Variants in MTAP observed in about 807,000 individuals in gnomAD.
MTAP encodes the protein methylthioadenosine phosphorylase.
A neutral mutation model predicts 33.6 loss-of-function variants in MTAP; 33 were observed. That is an observed-to-expected ratio of 0.98 (90% CI 0.74 to 1.31). The LOEUF (loss-of-function observed/expected upper bound fraction) is 1.31. Ranked by LOEUF, MTAP falls within the 40% of genes most tolerant of loss-of-function variation. The probability of loss-of-function intolerance (pLI) is 0.00; values close to 1 mark genes in which losing one functional copy is unlikely to be tolerated. For missense variants in MTAP, 367 were observed against 360.0 expected (o/e 1.02, Z -0.16); for synonymous variants, 148 against 125.7 (o/e 1.18, Z -1.19).
rs1825775790 is a variant in MTAP at position 21,862,595 on chromosome 9, C to G, written c.*581C>G. ...TATAATAATAAATAATTGAAACAAT[C>G]TGAATCCCTTGCAATTGGAGGTAAA... On this transcript the variant is annotated 3_prime_UTR_variant, in exon 8 of 8. Transcript: ENST00000644715. The G allele has an allele frequency of 6.6e-6, 1 of 152,086 alleles. No individual in the cohort carries two copies. The highest frequency in any genetic ancestry group is 6.6e-5 in the Admixed American group (1 of 15,258). The allele number at this position is 152,086 out of a possible 1,614,324, so 9.4% of individuals were successfully genotyped here. A position where few individuals can be genotyped will look rare whatever the true frequency, so the allele number is the denominator to read the frequency against.
At chr9:21,855,705 C>T (rs1014356618) in intron 6 of MTAP, among the ~76,000 whole-genome samples, 8 of 152,024 alleles carry the variant, frequency 5.3e-5, no homozygotes, top group Non-Finnish European at 1.0e-4. Context: ...GCTTCCAAAA[C>T]AAAACAAAAC....
At chr9:21,886,871 T>C (rs2118729498) in intron 1 of MTAP, among the ~76,000 whole-genome samples, 1 of 152,358 alleles carries the variant, frequency 6.6e-6, no homozygotes, top group South Asian at 2.1e-4. Context: ...TTGGATAATA[T>C]GATACCTTCA....
chr9:21,885,404 G>A (rs541224760), intron 1 of MTAP, among the ~76,000 whole-genome samples: 3 of 152,254 alleles, frequency 2.0e-5, no homozygotes, highest in South Asian at 2.1e-4. Context: ...GATTCAGTAG[G>A]TCTGGGGTGG....
At chr9:21,816,349 G>A (rs1047265680) in intron 2 of MTAP, among the ~76,000 whole-genome samples, 1 of 152,152 alleles carries the variant, frequency 6.6e-6, no homozygotes, top group African/African-American at 2.4e-5. Context: ...TGTCATGATG[G>A]TGGCTTGTTA....
chr9:21,818,092 G>A lies in MTAP; in HGVS notation c.237G>A (p.Trp79Ter). 3.1e-6 allele frequency: 5 copies of A among 1,613,782 alleles called. No individual in the cohort carries two copies. The highest frequency in any genetic ancestry group is 4.2e-6 in the Non-Finnish European group (5 of 1,179,934). ...PSKVNYQANI[W>*]ALKEEGCTHV... is the part of the protein sequence containing the mutation. ...AGGTCAACTACCAGGCGAACATCTGGGCTTTGAAGGAAGAGGGCTGTACAC... is the reference window on the plus strand; with the variant it reads ...AGGTCAACTACCAGGCGAACATCTGAGCTTTGAAGGAAGAGGGCTGTACAC... The change falls in exon 4 of 8, where the codon TGG becomes TGA. Residue 79 changes from tryptophan (W) to a stop codon, truncating the protein, a stop_gained. Coordinates refer to ENST00000644715, the MANE Select transcript of MTAP (RefSeq NM_002451.4). LOFTEE classifies it high-confidence loss of function.
At chr9:21,811,860 C>A in intron 1 of MTAP, 1 of 434,642 alleles carries the variant, frequency 2.3e-6, no homozygotes, top group South Asian at 1.8e-5. Flanking sequence ...GTGAAGGTGG[C>A]CGGACATCTT....
At chr9:21,907,458 G>A (rs1235937879) in intron 1 of MTAP, among the ~76,000 whole-genome samples, 1 of 152,214 alleles carries the variant, frequency 6.6e-6, no homozygotes, top group African/African-American at 2.4e-5. Context: ...TCAGGAGGCT[G>A]AAGCGAGAGG....
rs931420566 is a variant in MTAP at position 21,922,501 on chromosome 9, A to G, written c.148-8507A>G. On this transcript the variant is annotated intron_variant, in intron 1 of 1. Transcript: ENST00000577563. This position sits in a 1 kb window ranked among gnomAD's most constrained non-coding sequence, Gnocchi z 4.8. ...GCTCAAAAACTTGCCTTGGTCTCTC[A>G]CTCTCGCTTATGCCCCTCAGACAAA... Among the ~76,000 whole-genome samples, 4 of 151,866 alleles carry G rather than the reference A, an allele frequency of 2.6e-5. No homozygotes were observed. Among genetic ancestry groups the G allele is most frequent in the Non-Finnish European group, 5.9e-5 (4 of 67,984 alleles).
chr9:21,878,401 G>C (rs967955177), intron 1 of MTAP, among the ~76,000 whole-genome samples: 5 of 151,904 alleles, frequency 3.3e-5, no homozygotes, highest in African/African-American at 1.2e-4. Context: ...GTTAGCTTTG[G>C]GGTTGGTTTG....
intron 1 of MTAP, among the ~76,000 whole-genome samples, chr9:21,897,841 A>G (rs559462545): frequency 3.3e-5 from 5 of 152,330 alleles, no homozygotes; most frequent in South Asian, 4.1e-4. Flanking sequence ...CATCCCCATC[A>G]AGCTACCAAT....
At chr9:21,818,697 A>G (rs1025434963) in intron 4 of MTAP, among the ~76,000 whole-genome samples, 1 of 152,216 alleles carries the variant, frequency 6.6e-6, no homozygotes, top group African/African-American at 2.4e-5. Flanking sequence ...TATATGAGGT[A>G]TAACATTATA....
chr9:21,864,034 T>C lies in MTAP; in HGVS notation c.*2020T>C, dbSNP rs1825806795. ...ACGTGTGATTGTTTTCACTACAATA[T>C]GATACATAGATGGTACCTTACTTTT... is the stretch of plus-strand genomic sequence containing the variant. On this transcript the variant is annotated 3_prime_UTR_variant, in exon 8 of 8. Coordinates refer to ENST00000644715, the MANE Select transcript of MTAP (RefSeq NM_002451.4). 1.0e-6 allele frequency: 1 copy of C among 985,618 alleles called. No individual in the cohort carries two copies. Among genetic ancestry groups the C allele is most frequent in the East Asian group, 1.1e-4 (1 of 8,812 alleles). 61.1% of individuals were successfully genotyped at this position (985,618 alleles called of 1,614,324 possible). A position where few individuals can be genotyped will look rare whatever the true frequency, so the allele number is the denominator to read the frequency against.
At chr9:21,940,870 A>G (rs567598615), downstream of MTAP, 137 of 288,198 alleles carry the variant, frequency 4.8e-4, no homozygotes, top group Non-Finnish European at 6.2e-4. Context: ...TAAATTGCCA[A>G]CCATTGGTGC....
Position 21,862,834 on chromosome 9 carries a change from G to A in MTAP, c.*820G>A, listed in dbSNP as rs1440910046. On this transcript the variant is annotated 3_prime_UTR_variant, in exon 8 of 8. Transcript: ENST00000644715. ...ACCTTGTTATTGTATTTGGGGGAGGGATACTGGGATAATTTTTATTTTCTT... is the reference window on the plus strand; with the variant it reads ...ACCTTGTTATTGTATTTGGGGGAGGAATACTGGGATAATTTTTATTTTCTT... 4 of 498,734 alleles carry A rather than the reference G, an allele frequency of 8.0e-6. No homozygotes were observed. Among genetic ancestry groups the A allele is most frequent in the African/African-American group, 2.2e-5 (1 of 45,350 alleles). The allele number at this position is 498,734 out of a possible 1,614,324, so 30.9% of individuals were successfully genotyped here. A position where few individuals can be genotyped will look rare whatever the true frequency, so the allele number is the denominator to read the frequency against.
intron 1 of MTAP, among the ~76,000 whole-genome samples, chr9:21,925,881 A>T (rs1818861498): frequency 6.6e-6 from 1 of 152,166 alleles, no homozygotes; most frequent in South Asian, 2.1e-4. Flanking sequence ...CTTCATGGGC[A>T]ATTATCCTCC....
intron 4 of MTAP, among the ~76,000 whole-genome samples, chr9:21,828,243 T>A (rs3927738): frequency 2.6e-4 from 39 of 152,070 alleles, no homozygotes; most frequent in Non-Finnish European, 1.5e-4. Context: ...AAGTCTCTAA[T>A]AAGTGCCTTT....
rs142506201 is a variant in MTAP, at chr9:21,835,969, C to T, written c.348-1939C>T. Among the ~76,000 whole-genome samples, 560 of 152,244 alleles carry T rather than the reference C, an allele frequency of 3.7e-3. 6 individuals carry two copies. The highest frequency in any genetic ancestry group is 0.013 in the African/African-American group (535 of 41,534). On this transcript the variant is annotated intron_variant, in intron 4 of 7. Coordinates refer to ENST00000644715, the MANE Select transcript of MTAP (RefSeq NM_002451.4). Reference sequence around the variant, plus strand: ...CCCTTCTGGTATCTTGATAGTATAGCCCAAAAATGGTTTTAAGCCCTTGCT... The same window carrying T: ...CCCTTCTGGTATCTTGATAGTATAGTCCAAAAATGGTTTTAAGCCCTTGCT...
chr9:21,825,775 A>G (rs1388240441), intron 4 of MTAP, among the ~76,000 whole-genome samples: 8 of 152,224 alleles, frequency 5.3e-5, no homozygotes, highest in African/African-American at 1.9e-4. Context: ...TGGGAGGTCA[A>G]GGCTAGAATG....
At chr9:21,855,817 G>GT (rs1825629893) in intron 6 of MTAP, among the ~76,000 whole-genome samples, 1 of 152,070 alleles carries the variant, frequency 6.6e-6, no homozygotes, top group Non-Finnish European at 1.5e-5. Context: ...TGTGTGATAG[G>GT]TATGTCCCTA....
Sources: allele counts gnomAD v4.1 joint callset (sites outside exome capture counted in the v4.1 genomes callset), GRCh38; gene constraint gnomAD v4.1.1; non-coding constraint Gnocchi (gnomAD v3.1); transcripts MANE v1.5; gene names NCBI Gene and HGNC (gene_info 2026-07-23, HGNC 2026-07-21).